RGS22: variants seen among roughly 807,000 people sequenced by gnomAD.
RGS22 encodes the protein regulator of G protein signaling 22, also known as regulator of G-protein signaling 22.
In RGS22, 148 loss-of-function variants were observed where a neutral mutation model predicts 172.9. That is an observed-to-expected ratio of 0.86 (90% CI 0.75 to 0.98). RGS22 has a LOEUF of 0.98. RGS22 is among the 50% of genes least tolerant of loss of function. RGS22 has a pLI of 0.00. For missense variants in RGS22, 1,347 were observed against 1,440.8 expected (o/e 0.93, Z 1.05); for synonymous variants, 458 against 480.2 (o/e 0.95, Z 0.60).
intron 20 of RGS22, among the ~76,000 whole-genome samples, chr8:99,995,948 C>G (rs1417242684): frequency 6.6e-6 from 1 of 152,112 alleles, no homozygotes; most frequent in East Asian, 1.9e-4. Flanking sequence ...AGGATGAGTT[C>G]ATGTCCTTCG....
chr8:100,010,370 C>T (rs1031184081), intron 14 of RGS22, among the ~76,000 whole-genome samples: 2 of 152,008 alleles, frequency 1.3e-5, no homozygotes, highest in Non-Finnish European at 2.9e-5. Flanking sequence ...CCTGTAGTCC[C>T]AGCTACTCAG....
intron 11 of RGS22, 80 bp from the exon 12 acceptor site, chr8:100,041,996 T>C: frequency 1.3e-6 from 1 of 773,992 alleles, no homozygotes; most frequent in East Asian, 2.7e-5. Context: ...ACTTTTGGTA[T>C]ACATAGCACC....
intron 14 of RGS22, among the ~76,000 whole-genome samples, chr8:100,013,035 G>C (rs922138967): frequency 7.2e-6 from 1 of 138,154 alleles, no homozygotes; most frequent in Non-Finnish European, 1.5e-5. Context: ...TATCACCCAG[G>C]CTGGAGTGCA....
chr8:100,081,909 CTTTTTTTT>C (rs201340859), intron 3 of RGS22, among the ~76,000 whole-genome samples: 7 of 125,384 alleles, frequency 5.6e-5, no homozygotes, highest in East Asian at 4.4e-4. Flanking sequence ...TATTGTTTTC[CTTTTTTTT>C]TTTTTTTTTT....
chr8:100,063,506 A>C lies in RGS22; in HGVS notation c.1262T>G (p.Phe421Cys), dbSNP rs1424041387. ...NRKEFERFKK[F>C]IKGTLGERYW... ...TCTCTCTCCCAATGTACCTTTTATA[A>C]ATTTCTTAAATCTTTCAAACTCCTT... Residue 421 changes from phenylalanine (F) to cysteine (C), a missense_variant, in exon 8 of 28, where the codon TTT becomes TGT. Physicochemically the swap from Phe to Cys is radical, Grantham distance 205. Transcript: ENST00000360863. 2 of 1,613,632 alleles carry C rather than the reference A, an allele frequency of 1.2e-6. No individual in the cohort carries two copies. Among genetic ancestry groups the C allele is most frequent in the Non-Finnish European group, 1.7e-6 (2 of 1,179,754 alleles).
intron 11 of RGS22, among the ~76,000 whole-genome samples, chr8:100,043,684 G>C (rs1483072491): frequency 6.6e-6 from 1 of 152,050 alleles, no homozygotes. Flanking sequence ...GCTGAGGCAG[G>C]AGAATCGCTT....
At chr8:100,078,277 C>T (rs952255541) in intron 4 of RGS22, among the ~76,000 whole-genome samples, 2 of 151,854 alleles carry the variant, frequency 1.3e-5, no homozygotes, top group Non-Finnish European at 2.9e-5. Context: ...CTCACTCTGT[C>T]ACCCAGGCTG....
intron 10 of RGS22, among the ~76,000 whole-genome samples, chr8:100,049,169 T>C (rs1298997961): frequency 6.6e-6 from 1 of 151,942 alleles, no homozygotes; most frequent in Non-Finnish European, 1.5e-5. Context: ...AGGGTCACAG[T>C]GGATTGTAGC....
At chr8:99,977,032 G>A (rs993002454) in intron 23 of RGS22, among the ~76,000 whole-genome samples, 1 of 152,034 alleles carries the variant, frequency 6.6e-6, no homozygotes, top group Non-Finnish European at 1.5e-5. Context: ...ATGAATGAAC[G>A]GACAGATAGT....
chr8:100,105,949 C>G lies in RGS22; in HGVS notation c.-28G>C. ...CGTCCCCGCTGCCCGCGCCTGGAGC[C>G]CGCGCGGGCCGTCAGGGCCCTAGCG... On this transcript the variant is annotated 5_prime_UTR_variant, in exon 1 of 28. Transcript: ENST00000360863. The G allele has an allele frequency of 6.9e-7, 1 of 1,451,878 alleles. No homozygotes were observed. Among genetic ancestry groups the G allele is most frequent in the Non-Finnish European group, 9.0e-7 (1 of 1,106,448 alleles). 89.9% of individuals were successfully genotyped at this position (1,451,878 alleles called of 1,614,324 possible).
At chr8:100,047,716 T>C in intron 10 of RGS22, 120 bp from the exon 11 acceptor site, 2 of 826,744 alleles carry the variant, frequency 2.4e-6, no homozygotes, top group Non-Finnish European at 1.7e-6. Flanking sequence ...CCTCCTACAA[T>C]GCTTCCCAAT....
chr8:99,977,971 T>C lies in RGS22; in HGVS notation c.3465A>G (p.Glu1155=). The C allele has an allele frequency of 6.4e-7, 1 of 1,564,450 alleles. No homozygotes were observed. The part of the protein sequence containing the change: ...NIMSVLERRQ[E]YNKQKKKLAV... ...CCAATTTTTTTTTCTGCTTATTATA[T>C]TCTTGTCTTCTCTCTAAAACACTCA... Residue 1155 remains glutamate (E), a synonymous_variant, in exon 23 of 28, where the codon GAA becomes GAG. Transcript: ENST00000360863.
intron 14 of RGS22, among the ~76,000 whole-genome samples, chr8:100,013,451 G>T (rs1816633425): frequency 1.3e-5 from 2 of 152,094 alleles, no homozygotes; most frequent in Non-Finnish European, 2.9e-5. Flanking sequence ...TACTCTTTCT[G>T]TTTTAAGATT....
At chr8:100,007,217 T>C (rs1407915436) in intron 15 of RGS22, among the ~76,000 whole-genome samples, 2 of 152,152 alleles carry the variant, frequency 1.3e-5, no homozygotes, top group East Asian at 3.8e-4. Flanking sequence ...AAGAAGTTGT[T>C]GAGGAGATGT....
intron 3 of RGS22, among the ~76,000 whole-genome samples, chr8:100,090,616 T>G (rs1812504801): frequency 6.6e-6 from 1 of 152,100 alleles, no homozygotes; most frequent in Non-Finnish European, 1.5e-5. Context: ...GCACTATAAG[T>G]GGAGCATGTG....
intron 14 of RGS22, among the ~76,000 whole-genome samples, chr8:100,018,760 G>C (rs929384534): frequency 1.3e-5 from 2 of 152,092 alleles, no homozygotes; most frequent in African/African-American, 4.8e-5. Context: ...TTTCATGCAA[G>C]ATTTCCGCAC....
intron 22 of RGS22, among the ~76,000 whole-genome samples, chr8:99,980,194 T>C (rs1303442401): frequency 6.6e-6 from 1 of 152,198 alleles, no homozygotes; most frequent in Non-Finnish European, 1.5e-5. Flanking sequence ...CCTTCCAAAG[T>C]GCTGGGATTA....
chr8:100,078,517 T>A (rs550356916), intron 4 of RGS22, among the ~76,000 whole-genome samples: 1 of 152,000 alleles, frequency 6.6e-6, no homozygotes, highest in South Asian at 2.1e-4. Context: ...GTTGTTTTAT[T>A]CTTTATGTGT....
At chr8:100,041,059 TC>T (rs1423819341) in intron 12 of RGS22, among the ~76,000 whole-genome samples, 3 of 152,366 alleles carry the variant, frequency 2.0e-5, no homozygotes, top group African/African-American at 7.2e-5. Flanking sequence ...AGCTAAGTGT[TC>T]AGACTGTATT....
Sources: gnomAD v4.1 joint callset for allele counts (sites outside exome capture counted in the v4.1 genomes callset) on GRCh38, gnomAD v4.1.1 for gene constraint, MANE v1.5 for transcripts, NCBI Gene and HGNC (gene_info 2026-07-23, HGNC 2026-07-21) for gene names.